Variants in VWA7 observed in about 807,000 individuals in gnomAD.
VWA7 encodes von Willebrand factor A domain-containing protein 7.
A neutral mutation model predicts 83.1 loss-of-function variants in VWA7; 66 were observed. The observed-to-expected ratio is 0.79, with a 90% CI of 0.65 to 0.98. The LOEUF is 0.98. Ranked by LOEUF, VWA7 falls within the 50% of genes least tolerant of loss-of-function variation. The pLI is 0.00. For missense variants in VWA7, 1,080 were observed against 1,160.2 expected (o/e 0.93, Z 1.00); for synonymous variants, 424 against 488.5 (o/e 0.87, Z 1.74).
intron 7 of VWA7, among the ~76,000 whole-genome samples, chr6:31,770,934 C>T (rs1392017156): frequency 2.0e-5 from 3 of 147,056 alleles, no homozygotes; most frequent in Non-Finnish European, 3.0e-5. Context: ...TTGCTTGAAT[C>T]GAGGCTGCAG....
intron 10 of VWA7, 73 bp from the exon 11 acceptor site, chr6:31,767,827 A>C (rs1480915522): frequency 2.0e-5 from 31 of 1,530,160 alleles, no homozygotes; most frequent in Non-Finnish European, 2.7e-5. Flanking sequence ...AAGAAAGGGG[A>C]GATAGAAAGA....
chr6:31,767,929 G>A lies in VWA7; in HGVS notation c.1504-175C>T, dbSNP rs181715341. On this transcript the variant is annotated intron_variant, in intron 10 of 16. Coordinates refer to ENST00000375688, the MANE Select transcript of VWA7 (RefSeq NM_025258.3). ...GGGTGGATCACAAGGTCAAGAGTTC[G>A]AGACCAGCCTGGCCAACACAGTGAA... Among the ~76,000 whole-genome samples, 11 of 151,222 alleles carry A rather than the reference G, an allele frequency of 7.3e-5. No homozygotes were observed. In the East Asian group the frequency reaches 1.4e-3, roughly 19 times the overall value.
In VWA7 at chr6:31,769,738, G is replaced by A; in HGVS notation, c.1254C>T (p.Ala418=). ...PLSDIFVFTD[A]SPKDAFLTNQ... The stretch of plus-strand genomic sequence containing the variant: ...TGGTGAGAAAGGCATCCTTGGGGGA[G>A]GCATCCGTGAAGACAAAGATATCTG... The change falls in exon 9 of 17, where the codon GCC becomes GCT. Residue 418 remains alanine (A), a synonymous_variant. Coordinates refer to ENST00000375688, the MANE Select transcript of VWA7 (RefSeq NM_025258.3). The surrounding 1 kb of genome is among the most constrained non-coding windows in gnomAD (Gnocchi z 4.5). 1 of 1,613,106 alleles carries A rather than the reference G, an allele frequency of 6.2e-7. No individual in the cohort carries two copies. Among genetic ancestry groups the A allele is most frequent in the African/African-American group, 1.3e-5 (1 of 75,060 alleles).
rs753090338 is a variant in VWA7 at position 31,770,090 on chromosome 6, T to G, written c.1111A>C (p.Ser371Arg). Residue 371 changes from serine to arginine, a missense_variant, in exon 8 of 17, where the codon AGT (serine) becomes CGT (arginine). By Grantham distance (110) the Ser-to-Arg change is moderately radical. Coordinates refer to ENST00000375688, the MANE Select transcript of VWA7 (RefSeq NM_025258.3). ...DPGFGPVFTT[S>R]DPDSFWQQLN... is the part of the protein sequence containing the mutation. ...TGTTGCCAGAAGCTGTCAGGGTCAC[T>G]GGTTGTAAAGACAGGGCCGAACCCT... The G allele has an allele frequency of 1.2e-6, 2 of 1,612,748 alleles. No homozygotes were observed. The highest frequency in any genetic ancestry group is 1.7e-6 in the Non-Finnish European group (2 of 1,179,958).
Position 31,766,666 on chromosome 6 carries a change from C to T in VWA7, c.1981G>A (p.Val661Ile). Residue 661 changes from valine to isoleucine, a missense_variant, in exon 14 of 17, where the codon GTC (valine) becomes ATC (isoleucine). Val to Ile is a conservative substitution (Grantham distance 29). Coordinates refer to ENST00000375688, the MANE Select transcript of VWA7 (RefSeq NM_025258.3). The surrounding 1 kb of genome is among the most constrained non-coding windows in gnomAD (Gnocchi z 4.9). ...PHFSHVILRG[V>I]PEGAELGQVP... ...TGGCCTAGTTCGGCACCCTCTGGGA[C>T]CCCTCGAAGGATGACGTGGGAGAAA... is the stretch of plus-strand genomic sequence containing the variant. 6.2e-7 allele frequency: 1 copy of T among 1,612,970 alleles called. No individual in the cohort carries two copies. The highest frequency in any genetic ancestry group is 8.5e-7 in the Non-Finnish European group (1 of 1,179,926).
In VWA7 at chr6:31,777,104, C is replaced by T; in HGVS notation, c.-16+5G>A. ...AAGCCTGAGTCCTCTCAGGCCCTCC[C>T]CTACCTGGTTGCTGGGTCTCCTGGG... On this transcript the variant is annotated splice_donor_5th_base_variant and intron_variant, in intron 1 of 16. Coordinates refer to ENST00000375688, the MANE Select transcript of VWA7 (RefSeq NM_025258.3). The surrounding 1 kb of genome is among the most constrained non-coding windows in gnomAD (Gnocchi z 5.8). 5.2e-6 allele frequency: 2 copies of T among 386,454 alleles called. No homozygotes were observed. Among genetic ancestry groups the T allele is most frequent in the Non-Finnish European group, 9.2e-6 (2 of 216,398 alleles). The allele number at this position is 386,454 out of a possible 1,614,324, so 23.9% of individuals were successfully genotyped here.
chr6:31,777,262 T>TG lies in VWA7; in HGVS notation c.-170dup. 2.1e-6 allele frequency: 1 copy of TG among 479,172 alleles called. No individual in the cohort carries two copies. Among genetic ancestry groups the TG allele is most frequent in the Non-Finnish European group, 3.7e-6 (1 of 266,714 alleles). 29.7% of individuals were successfully genotyped at this position (479,172 alleles called of 1,614,324 possible). ...AACCCCTGGCCCTTTCGCTCCTGCC[T>TG]GCCCAAAGCCACAGGCAGCAGCCCA... On this transcript the variant is annotated 5_prime_UTR_variant, in exon 1 of 17. Transcript: ENST00000375688. The surrounding 1 kb of genome is among the most constrained non-coding windows in gnomAD (Gnocchi z 5.8).
rs1009587956 is a variant in VWA7, at chr6:31,767,674, G to C, written c.1584C>G (p.Ile528Met). ...VFSVDGLLQK[I>M]TVRIHGDISS... ...TGATGTCTCCGTGGATCCGGACTGT[G>C]ATCTTCTGGAGCAGCCCATCCACGC... is the stretch of plus-strand genomic sequence containing the variant. Residue 528 changes from isoleucine (I) to methionine (M), a missense_variant, in exon 11 of 17, where the codon ATC becomes ATG. Physicochemically the swap from Ile to Met is conservative, Grantham distance 10. Coordinates refer to ENST00000375688, the MANE Select transcript of VWA7 (RefSeq NM_025258.3). The C allele has an allele frequency of 3.7e-6, 6 of 1,613,654 alleles. No homozygotes were observed. In the African/African-American group the frequency reaches 8.0e-5, roughly 22 times the overall value.
chr6:31,770,763 A>G (rs1812100295), intron 7 of VWA7, among the ~76,000 whole-genome samples: 1 of 151,578 alleles, frequency 6.6e-6, no homozygotes, highest in Non-Finnish European at 1.5e-5. Context: ...TTATCCCAGC[A>G]CTTTGAGAGG....
chr6:31,774,455 A>C, intron 5 of VWA7, 61 bp downstream of exon 5: 181 of 1,461,974 alleles, frequency 1.2e-4, no homozygotes, highest in Middle Eastern at 3.5e-4. Flanking sequence ...CCTACAGGAC[A>C]GAGATCCTGT....
chr6:31,772,584 C>CTTTTTTT (rs9279415), intron 7 of VWA7, among the ~76,000 whole-genome samples: 634 of 35,090 alleles, frequency 0.018, 21 homozygotes, highest in Middle Eastern at 0.05. Flanking sequence ...TCTTTCTTTT[C>CTTTTTTT]TTTTTTTTTT....
rs149454781 is a variant in VWA7 at position 31,775,689 on chromosome 6, G to A, written c.514-260C>T. ...GGCCTCTCTCGGCCTGCAGAGTCCT[G>A]CTGCGTGTGCTGCTCCCTCAGCTCT... On this transcript the variant is annotated intron_variant, in intron 3 of 16. Transcript: ENST00000375688. The surrounding 1 kb of genome is among the most constrained non-coding windows in gnomAD (Gnocchi z 5.9). 2.6e-5 allele frequency among the ~76,000 whole-genome samples: 4 copies of A among 152,294 alleles called. 1 individual carries two copies. In the East Asian group the frequency reaches 7.7e-4, roughly 29 times the overall value.
chr6:31,772,579 CT>C (rs1330466630), intron 7 of VWA7, among the ~76,000 whole-genome samples: 1 of 72,002 alleles, frequency 1.4e-5, no homozygotes, highest in Non-Finnish European at 2.7e-5. Flanking sequence ...TTTTTTCTTT[CT>C]TTTCTTTTTT....
At position 31,766,202 on chromosome 6, in the gene VWA7, C is replaced by A; in HGVS notation, c.2324+43G>T. On this transcript the variant is annotated intron_variant, in intron 15 of 16. Transcript: ENST00000375688. This position sits in a 1 kb window ranked among gnomAD's most constrained non-coding sequence, Gnocchi z 4.9. ...GGCAGGGCTTGGGATAAGCATTGGC[C>A]GGGCAAGATGCCAGAGGGAGCTGGA... 6.2e-7 allele frequency: 1 copy of A among 1,606,060 alleles called. No individual in the cohort carries two copies. Among genetic ancestry groups the A allele is most frequent in the Non-Finnish European group, 8.5e-7 (1 of 1,176,480 alleles).
At position 31,766,541 on chromosome 6, in the gene VWA7, C is replaced by G. The variant is rs1391183315; in HGVS notation, c.2106G>C (p.Leu702=). ...LSTPRPFSLE[L]IGQDAAGRRL... is the part of the protein sequence containing the mutation. ...GCCGCCCCGCTGCGTCCTGGCCAAT[C>G]AGCTCCAGGGAGAAGGGTCTAGGGG... The change falls in exon 14 of 17, where the codon CTG becomes CTC. Residue 702 remains leucine (L), a synonymous_variant. Transcript: ENST00000375688. This position sits in a 1 kb window ranked among gnomAD's most constrained non-coding sequence, Gnocchi z 4.9. The G allele has an allele frequency of 6.2e-7, 1 of 1,612,416 alleles. No homozygotes were observed. Among genetic ancestry groups the G allele is most frequent in the Non-Finnish European group, 8.5e-7 (1 of 1,179,634 alleles).
Position 31,772,142 on chromosome 6 carries a change from CT to C in VWA7, c.1087+811del, listed in dbSNP as rs761228094. Among the ~76,000 whole-genome samples the C allele has an allele frequency of 3.9e-3, 552 of 140,696 alleles. 1 individual carries two copies. Among genetic ancestry groups the C allele is most frequent in the South Asian group, 0.015 (68 of 4,454 alleles). The allele number at this position is 140,696 out of a possible 152,430, so 92.3% of individuals were successfully genotyped here. On this transcript the variant is annotated intron_variant, in intron 7 of 16. Coordinates refer to ENST00000375688, the MANE Select transcript of VWA7 (RefSeq NM_025258.3). ...AGTGGGAGGCAAGTCTGCTAGTTAT[CT>C]TTTTTTTTTTTTTTAGAGACAGGGT... is the stretch of plus-strand genomic sequence containing the variant.
At position 31,772,986 on chromosome 6, in the gene VWA7, A is replaced by G. The variant is rs752029772; in HGVS notation, c.1055T>C (p.Val352Ala). ...ATGAAAAGGCACCAGGACATAGTGGACAGGCTCCATGGGGCTGCCTCTCCG... is the reference window on the plus strand; with the variant it reads ...ATGAAAAGGCACCAGGACATAGTGGGCAGGCTCCATGGGGCTGCCTCTCCG... ...EQRRGSPMEP[V>A]HYVLVPFHDP... The change falls in exon 7 of 17, where the codon GTC (valine) becomes GCC (alanine). Residue 352 changes from valine to alanine, a missense_variant. Coordinates refer to ENST00000375688, the MANE Select transcript of VWA7 (RefSeq NM_025258.3). 3 of 1,612,092 alleles carry G rather than the reference A, an allele frequency of 1.9e-6. No individual in the cohort carries two copies. Among genetic ancestry groups the G allele is most frequent in the East Asian group, 2.2e-5 (1 of 44,876 alleles).
chr6:31,776,559 A>G lies in VWA7; in HGVS notation c.221T>C (p.Leu74Pro). 1.3e-6 allele frequency: 2 copies of G among 1,547,752 alleles called. No homozygotes were observed. The highest frequency in any genetic ancestry group is 1.7e-6 in the Non-Finnish European group (2 of 1,145,620). ...QPPPGRPPLR[L>P]EDFLGRTLLA... ...TGGGATGCTCACCAGGAAGTCCTCA[A>G]GACGAAGAGGGGGGCGGCCTGGGGG... The change falls in exon 2 of 17, where the codon CTT becomes CCT. Residue 74 changes from leucine to proline, a missense_variant. Leu to Pro is a moderately conservative substitution (Grantham distance 98). Transcript: ENST00000375688. The surrounding 1 kb of genome is among the most constrained non-coding windows in gnomAD (Gnocchi z 6.2).
chr6:31,770,731 A>T (rs1462181398), intron 7 of VWA7, among the ~76,000 whole-genome samples: 1 of 83,930 alleles, frequency 1.2e-5, no homozygotes, highest in East Asian at 4.3e-4. Context: ...TGCGTATATA[A>T]AAAAAAAAAT....
Sources: gnomAD v4.1 joint callset for allele counts (sites outside exome capture counted in the v4.1 genomes callset) on GRCh38, gnomAD v4.1.1 for gene constraint, Gnocchi (gnomAD v3.1) non-coding constraint, MANE v1.5 for transcripts, NCBI Gene and HGNC (gene_info 2026-07-23, HGNC 2026-07-21) for gene names.